The following MACROD2 variants were observed in gnomAD, a reference collection of about 807,000 sequenced individuals.
The protein encoded by MACROD2 is mono-ADP ribosylhydrolase 2.
MACROD2 carries 36 observed loss-of-function variants against 70.4 expected under a neutral mutation model. That is an observed-to-expected ratio of 0.51 (90% CI 0.39 to 0.68). The LOEUF is 0.68. MACROD2 is among the 30% of genes least tolerant of loss of function. MACROD2 has a pLI of 0.00. For missense variants in MACROD2, 496 were observed against 538.4 expected, an observed-to-expected ratio of 0.92 and a Z score of 0.78; for synonymous variants, 172 against 178.8, an observed-to-expected ratio of 0.96 and a Z score of 0.30.
At chr20:14,035,758 G>A (rs1009990785) in intron 2 of MACROD2, among the ~76,000 whole-genome samples, 4 of 152,180 alleles carry the variant, frequency 2.6e-5, no homozygotes, top group East Asian at 1.9e-4. Flanking sequence ...CTTTCCTGTC[G>A]GTTCCCAAAA....
chr20:15,820,447 C>T (rs1271532258), intron 8 of MACROD2, among the ~76,000 whole-genome samples: 1 of 152,188 alleles, frequency 6.6e-6, no homozygotes, highest in Non-Finnish European at 1.5e-5. Flanking sequence ...CCTCCTTGGC[C>T]TCTCAAAGTG....
chr20:14,861,170 T>C (rs1359429339), intron 5 of MACROD2, among the ~76,000 whole-genome samples: 1 of 152,058 alleles, frequency 6.6e-6, no homozygotes, highest in African/African-American at 2.4e-5. Flanking sequence ...ACACAAGATG[T>C]TGAGCCACTC....
chr20:14,205,175 A>G (rs1455119923), intron 3 of MACROD2, among the ~76,000 whole-genome samples: 1 of 152,230 alleles, frequency 6.6e-6, no homozygotes, highest in African/African-American at 2.4e-5. Flanking sequence ...AGAAGACATT[A>G]TTTAAGTGAC....
At chr20:14,838,845 C>T (rs558079724) in intron 5 of MACROD2, among the ~76,000 whole-genome samples, 2 of 152,056 alleles carry the variant, frequency 1.3e-5, no homozygotes, top group Admixed American at 1.3e-4. Flanking sequence ...CTACTCCCAC[C>T]CTTTGCCACC....
At position 15,221,602 on chromosome 20, in the gene MACROD2, A is replaced by G. The variant is rs111391397; in HGVS notation, c.419-8338A>G. Among the ~76,000 whole-genome samples the G allele has an allele frequency of 6.9e-3, 1,044 of 152,340 alleles. 7 individuals are homozygous for G. Among genetic ancestry groups the G allele is most frequent in the Middle Eastern group, 0.027 (8 of 294 alleles). On this transcript the variant is annotated intron_variant, in intron 5 of 17. Coordinates refer to ENST00000684519, the MANE Select transcript of MACROD2 (RefSeq NM_001351661.2). Reference sequence around the variant, plus strand: ...AGGAGTCCAATTTGAAACAGGATACAGTCCCATCAACAAGGTCAGTCTCAA... The same window carrying G: ...AGGAGTCCAATTTGAAACAGGATACGGTCCCATCAACAAGGTCAGTCTCAA...
At position 14,782,923 on chromosome 20, in the gene MACROD2, G is replaced by A. The variant is rs138606611; in HGVS notation, c.418+97964G>A. On this transcript the variant is annotated intron_variant, in intron 5 of 17. Coordinates refer to ENST00000684519, the MANE Select transcript of MACROD2 (RefSeq NM_001351661.2). ...GTTACAGTCTAATTTACAAGACAAG[G>A]CACAGCAGTGCATACACAGGCTGAG... Among the ~76,000 whole-genome samples, 24 of 152,198 alleles carry A rather than the reference G, an allele frequency of 1.6e-4. No homozygotes were observed. In the East Asian group the frequency reaches 3.7e-3, roughly 23 times the overall value.
At chr20:14,494,675 A>C (rs2084834093) in intron 4 of MACROD2, among the ~76,000 whole-genome samples, 1 of 152,182 alleles carries the variant, frequency 6.6e-6, no homozygotes, top group Non-Finnish European at 1.5e-5. Flanking sequence ...ATTAAACAAA[A>C]ATATTTGCCA....
At chr20:15,923,204 GA>G (rs540421736) in intron 10 of MACROD2, among the ~76,000 whole-genome samples, 369 of 152,138 alleles carry the variant, frequency 2.4e-3, no homozygotes, top group African/African-American at 8.7e-3. Flanking sequence ...CCGAAACTGG[GA>G]ACAAAAAAAG....
At chr20:15,420,012 A>G (rs952532101) in intron 6 of MACROD2, among the ~76,000 whole-genome samples, 2 of 152,232 alleles carry the variant, frequency 1.3e-5, no homozygotes, top group Non-Finnish European at 2.9e-5. Context: ...AGATGTAAAC[A>G]TTCTAGAACA....
At chr20:15,134,602 A>G (rs554540600) in intron 5 of MACROD2, among the ~76,000 whole-genome samples, 1 of 152,088 alleles carries the variant, frequency 6.6e-6, no homozygotes, top group Non-Finnish European at 1.5e-5. Flanking sequence ...CTAAATGCCC[A>G]CAAGAGAAAG....
At chr20:14,091,297 A>G (rs2054145548) in intron 3 of MACROD2, among the ~76,000 whole-genome samples, 1 of 152,134 alleles carries the variant, frequency 6.6e-6, no homozygotes, top group South Asian at 2.1e-4. Flanking sequence ...AATTGAACTT[A>G]CAGTAGAGAG....
intron 5 of MACROD2, among the ~76,000 whole-genome samples, chr20:14,738,733 ATATC>A (rs1269836137): frequency 6.6e-6 from 1 of 151,838 alleles, no homozygotes; most frequent in African/African-American, 2.4e-5. Context: ...TTTACATAAA[ATATC>A]TACTCAATCC....
At chr20:14,405,831 A>G (rs919277627) in intron 3 of MACROD2, among the ~76,000 whole-genome samples, 11 of 152,200 alleles carry the variant, frequency 7.2e-5, no homozygotes, top group Non-Finnish European at 1.5e-5. Context: ...TTTTGTGCAA[A>G]AAAGTAATAA....
intron 5 of MACROD2, among the ~76,000 whole-genome samples, chr20:14,689,299 T>A (rs2071036398): frequency 6.6e-6 from 1 of 152,246 alleles, no homozygotes; most frequent in Admixed American, 6.5e-5. Flanking sequence ...TAGCATTATA[T>A]CATTTACTTA....
At chr20:15,753,408 G>C (rs1372511355) in intron 8 of MACROD2, among the ~76,000 whole-genome samples, 1 of 152,132 alleles carries the variant, frequency 6.6e-6, no homozygotes, top group African/African-American at 2.4e-5. Flanking sequence ...TAGTATAATG[G>C]CCTCCAGCTG....
intron 8 of MACROD2, among the ~76,000 whole-genome samples, chr20:15,507,303 TCTTC>T (rs2047437931): frequency 6.6e-6 from 1 of 151,380 alleles, no homozygotes; most frequent in Non-Finnish European, 1.5e-5. Context: ...CCTCCCTCTT[TCTTC>T]CTTCCTCCCT....
intron 4 of MACROD2, among the ~76,000 whole-genome samples, chr20:14,617,256 T>G (rs1007753870): frequency 2.0e-5 from 3 of 152,142 alleles, no homozygotes; most frequent in Non-Finnish European, 4.4e-5. Flanking sequence ...TTGAAATGAT[T>G]TATGTTTCAT....
Position 16,035,149 on chromosome 20 carries a change from A to AT in MACROD2, c.1154-6051dup. 3.0e-5 allele frequency among the ~76,000 whole-genome samples: 3 copies of AT among 99,740 alleles called. No individual in the cohort carries two copies. In the East Asian group the frequency reaches 7.9e-4, roughly 26 times the overall value. 65.4% of individuals were successfully genotyped at this position (99,740 alleles called of 152,430 possible). On this transcript the variant is annotated intron_variant, in intron 15 of 17. Coordinates refer to ENST00000684519, the MANE Select transcript of MACROD2 (RefSeq NM_001351661.2). ...AAATATTATATATTATATATTATAT[A>AT]TAAAATATAATATAAAATATAAAAT...
intron 8 of MACROD2, among the ~76,000 whole-genome samples, chr20:15,637,453 A>G (rs928793229): frequency 6.6e-6 from 1 of 152,216 alleles, no homozygotes; most frequent in Non-Finnish European, 1.5e-5. Flanking sequence ...GAACTAGGAG[A>G]ACCCAGGGGA....
Sources: gnomAD v4.1 joint callset for allele counts (sites outside exome capture counted in the v4.1 genomes callset) on GRCh38, gnomAD v4.1.1 for gene constraint, MANE v1.5 for transcripts, NCBI Gene and HGNC (gene_info 2026-07-23, HGNC 2026-07-21) for gene names.